The following KCNIP4 variants were observed in gnomAD, a reference collection of about 807,000 sequenced individuals.
KCNIP4 encodes Kv channel-interacting protein 4.
A neutral mutation model predicts 34.0 loss-of-function variants in KCNIP4; 12 were observed. The ratio of observed to expected loss-of-function variants is 0.35; its 90% CI spans 0.23 to 0.57. The LOEUF (loss-of-function observed/expected upper bound fraction) is 0.57, where lower values mean the gene tolerates loss of function less well. Among genes scored for constraint, KCNIP4 ranks in the 20% least tolerant of loss-of-function variants. The probability of loss-of-function intolerance (pLI) is 0.83; values close to 1 mark genes in which losing one functional copy is unlikely to be tolerated. For synonymous variants in KCNIP4, 124 were observed against 102.2 expected (o/e 1.21, Z -1.29); for missense variants, 238 against 311.7 (o/e 0.76, Z 1.78).
rs143457410 is a variant in KCNIP4, at chr4:21,920,358, T to C, written c.61+28213A>G. On this transcript the variant is annotated intron_variant, in intron 1 of 8. Transcript: ENST00000382152. The stretch of plus-strand genomic sequence containing the variant: ...ATGTGTCATCATTTCCTAAACTATA[T>C]AGAATTACAACTGTTTACACAGAAT... Among the ~76,000 whole-genome samples the C allele has an allele frequency of 2.7e-3, 417 of 152,270 alleles. 1 individual carries two copies. The highest frequency in any genetic ancestry group is 9.4e-3 in the African/African-American group (390 of 41,568).
At chr4:21,313,728 T>C (rs995785999) in intron 1 of KCNIP4, among the ~76,000 whole-genome samples, 2 of 152,174 alleles carry the variant, frequency 1.3e-5, no homozygotes, top group African/African-American at 4.8e-5. Flanking sequence ...ACTGAGAGCA[T>C]GCTATGTTAA....
chr4:21,584,069 C>T (rs995565589), intron 1 of KCNIP4, among the ~76,000 whole-genome samples: 1 of 151,972 alleles, frequency 6.6e-6, no homozygotes, highest in Non-Finnish European at 1.5e-5. Flanking sequence ...GGATTTACTG[C>T]TCAGCAATCT....
intron 1 of KCNIP4, among the ~76,000 whole-genome samples, chr4:21,224,824 T>A (rs914133907): frequency 2.0e-5 from 3 of 151,908 alleles, no homozygotes; most frequent in African/African-American, 7.3e-5. Flanking sequence ...TGACCTCAAA[T>A]GATCCACCCT....
At chr4:21,146,288 C>G (rs942494059) in intron 1 of KCNIP4, among the ~76,000 whole-genome samples, 5 of 152,068 alleles carry the variant, frequency 3.3e-5, no homozygotes, top group Admixed American at 6.5e-5. Context: ...GTCCCAGCTA[C>G]TCAGGAGGCT....
intron 1 of KCNIP4, among the ~76,000 whole-genome samples, chr4:21,932,878 T>C (rs1729647441): frequency 7.8e-6 from 1 of 127,442 alleles, no homozygotes; most frequent in Admixed American, 7.4e-5. Flanking sequence ...GTATAATCTA[T>C]GAAAAAATCT....
intron 1 of KCNIP4, among the ~76,000 whole-genome samples, chr4:21,675,713 A>G (rs1056850292): frequency 6.6e-6 from 1 of 152,182 alleles, no homozygotes; most frequent in African/African-American, 2.4e-5. Flanking sequence ...TGAAAAGTAG[A>G]GAGTCACATG....
chr4:21,644,989 C>T (rs1230519949), intron 1 of KCNIP4, among the ~76,000 whole-genome samples: 1 of 152,056 alleles, frequency 6.6e-6, no homozygotes, highest in South Asian at 2.1e-4. Context: ...CCCTAGGGTA[C>T]CAGAGATAAC....
chr4:21,155,549 T>C (rs1417003726), intron 1 of KCNIP4, among the ~76,000 whole-genome samples: 1 of 152,152 alleles, frequency 6.6e-6, no homozygotes, highest in Non-Finnish European at 1.5e-5. Flanking sequence ...CAGTTTGAAC[T>C]TGATTCATTA....
intron 1 of KCNIP4, among the ~76,000 whole-genome samples, chr4:21,452,000 A>T (rs1338093989): frequency 6.6e-6 from 1 of 152,088 alleles, no homozygotes; most frequent in Non-Finnish European, 1.5e-5. Flanking sequence ...TAAGAATTTC[A>T]TACTTTGATA....
intron 1 of KCNIP4, among the ~76,000 whole-genome samples, chr4:20,932,602 T>TA (rs1730593968): frequency 6.6e-6 from 1 of 152,118 alleles, no homozygotes; most frequent in African/African-American, 2.4e-5. Flanking sequence ...AGATGATAGA[T>TA]ACGTTAATTT....
At chr4:21,901,724 T>C (rs971170562) in intron 1 of KCNIP4, among the ~76,000 whole-genome samples, 3 of 152,208 alleles carry the variant, frequency 2.0e-5, no homozygotes, top group African/African-American at 7.2e-5. Flanking sequence ...ACGCATTCTT[T>C]AATATTGCAA....
At chr4:21,151,363 C>CAA (rs1752736343) in intron 1 of KCNIP4, among the ~76,000 whole-genome samples, 1 of 149,842 alleles carries the variant, frequency 6.7e-6, no homozygotes, top group East Asian at 2.0e-4. Context: ...CTTGGGCTGC[C>CAA]ATTAACTAAA....
At chr4:20,952,349 T>G (rs1261396589) in intron 1 of KCNIP4, among the ~76,000 whole-genome samples, 2 of 152,176 alleles carry the variant, frequency 1.3e-5, no homozygotes, top group Non-Finnish European at 2.9e-5. Context: ...TTATCCAGAT[T>G]TAGAATGACA....
intron 1 of KCNIP4, among the ~76,000 whole-genome samples, chr4:20,944,484 T>C (rs890316713): frequency 6.6e-6 from 1 of 152,242 alleles, no homozygotes; most frequent in Non-Finnish European, 1.5e-5. Context: ...AAAATTCACT[T>C]GTGCTTCACT....
intron 1 of KCNIP4, among the ~76,000 whole-genome samples, chr4:21,154,094 G>A (rs926970883): frequency 3.9e-5 from 6 of 151,954 alleles, no homozygotes; most frequent in Admixed American, 3.3e-4. Context: ...ATTATTCTTC[G>A]AATTTATTGC....
intron 1 of KCNIP4, among the ~76,000 whole-genome samples, chr4:21,919,372 T>C (rs745375775): frequency 1.3e-5 from 2 of 152,286 alleles, no homozygotes; most frequent in South Asian, 4.1e-4. Context: ...ATAGATAAAC[T>C]GGATGAAACT....
Position 20,729,894 on chromosome 4 carries a change from G to GAAAAGGATGCAAATTTATA in KCNIP4, c.*169_*187dup. 1.8e-6 allele frequency: 1 copy of GAAAAGGATGCAAATTTATA among 549,174 alleles called. No individual in the cohort carries two copies. The highest frequency in any genetic ancestry group is 3.0e-6 in the Non-Finnish European group (1 of 335,724). 34.0% of individuals were successfully genotyped at this position (549,174 alleles called of 1,614,324 possible). On this transcript the variant is annotated 3_prime_UTR_variant, in exon 9 of 9. Coordinates refer to ENST00000382152, the MANE Select transcript of KCNIP4 (RefSeq NM_025221.6). ...CATCCCCTGAACTCAGTGGCATTATGAAAAGGATGCAAATTTATAACTGAA... is the reference window on the plus strand; with the variant it reads ...CATCCCCTGAACTCAGTGGCATTATGAAAAGGATGCAAATTTATAAAAAGGATGCAAATTTATAACTGAA...
chr4:21,597,276 C>T (rs868446072), intron 1 of KCNIP4, among the ~76,000 whole-genome samples: 1 of 152,008 alleles, frequency 6.6e-6, no homozygotes, highest in African/African-American at 2.4e-5. Context: ...TCACTTGGTT[C>T]TCTTTTCTCT....
intron 1 of KCNIP4, among the ~76,000 whole-genome samples, chr4:20,943,518 C>T (rs1040246806): frequency 1.3e-5 from 2 of 152,154 alleles, no homozygotes; most frequent in African/African-American, 4.8e-5. Flanking sequence ...TTGCTGAATG[C>T]TTATTATGGG....
Sources: gnomAD v4.1 joint callset for allele counts (sites outside exome capture counted in the v4.1 genomes callset) on GRCh38, gnomAD v4.1.1 for gene constraint, MANE v1.5 for transcripts, NCBI Gene and HGNC (gene_info 2026-07-23, HGNC 2026-07-21) for gene names.